The following NUP35 variants were observed in gnomAD, a reference collection of about 807,000 sequenced individuals.
NUP35 encodes the protein nucleoporin 35.
Under a neutral mutation model 41.5 loss-of-function variants are expected in NUP35, and 25 were observed. The ratio of observed to expected loss-of-function variants is 0.60; its 90% confidence interval spans 0.44 to 0.84. The LOEUF (loss-of-function observed/expected upper bound fraction) is 0.84. NUP35 is among the 40% of genes least tolerant of loss of function. NUP35 has a pLI of 0.00. For synonymous variants in NUP35, 149 were observed against 130.7 expected (o/e 1.14, Z -0.96); for missense variants, 396 against 396.6 (o/e 1.00, Z 0.01).
chr2:183,155,196 A>T (rs900468617), intron 5 of NUP35, among the ~76,000 whole-genome samples: 3 of 152,194 alleles, frequency 2.0e-5, no homozygotes, highest in African/African-American at 4.8e-5. Context: ...ATTTTTTGGG[A>T]TTAAAAAACA....
At chr2:183,159,456 T>C (rs1467729737) in intron 7 of NUP35, 32 bp from the exon 8 acceptor site, 1 of 1,574,372 alleles carries the variant, frequency 6.4e-7, no homozygotes, top group African/African-American at 1.4e-5. Flanking sequence ...ATTATGTTTA[T>C]AAACAAAGGA....
intron 1 of NUP35, among the ~76,000 whole-genome samples, chr2:183,127,728 T>C (rs960169216): frequency 1.3e-5 from 2 of 152,218 alleles, no homozygotes; most frequent in East Asian, 3.8e-4. Flanking sequence ...AAGTTATTAG[T>C]GTGATTTTTA....
chr2:183,137,629 A>G (rs1484296905), intron 4 of NUP35, among the ~76,000 whole-genome samples: 1 of 152,030 alleles, frequency 6.6e-6, no homozygotes. Context: ...GACATTGAAA[A>G]TCCAAAAACA....
chr2:183,125,089 T>C (rs981109795), intron 1 of NUP35, among the ~76,000 whole-genome samples: 1 of 151,958 alleles, frequency 6.6e-6, no homozygotes, highest in Non-Finnish European at 1.5e-5. Context: ...AACAGCAAGC[T>C]AGGAGTTCGC....
At chr2:183,160,606 T>G (rs1685837672) in intron 8 of NUP35, 1 of 151,982 alleles carries the variant, frequency 6.6e-6, no homozygotes, top group African/African-American at 2.4e-5. Context: ...CTCAAACTTT[T>G]GACCTCAAGT....
intron 4 of NUP35, among the ~76,000 whole-genome samples, chr2:183,135,986 G>T (rs1399286013): frequency 6.6e-6 from 1 of 152,110 alleles, no homozygotes; most frequent in Non-Finnish European, 1.5e-5. Context: ...ATAACAAAAG[G>T]AACACCCAAT....
chr2:183,129,433 A>C (rs1037738657), intron 2 of NUP35, among the ~76,000 whole-genome samples: 3 of 152,212 alleles, frequency 2.0e-5, no homozygotes, highest in African/African-American at 7.2e-5. Context: ...TTTTTACCTT[A>C]ATTGCCCTTT....
At chr2:183,127,488 A>T (rs752481047) in intron 1 of NUP35, among the ~76,000 whole-genome samples, 5 of 152,146 alleles carry the variant, frequency 3.3e-5, no homozygotes, top group African/African-American at 4.8e-5. Flanking sequence ...TCTTTTCAAC[A>T]TGTTTCTGAG....
chr2:183,137,540 C>T (rs888495356), intron 4 of NUP35, among the ~76,000 whole-genome samples: 2 of 152,126 alleles, frequency 1.3e-5, no homozygotes, highest in Admixed American at 1.3e-4. Flanking sequence ...GAACAGTGAT[C>T]ACACCACTGC....
rs150993144 is a variant in NUP35, at chr2:183,158,291, T to C, written c.618T>C (p.Asn206=). 5 of 1,587,534 alleles carry C rather than the reference T, an allele frequency of 3.1e-6. No individual in the cohort carries two copies. Among genetic ancestry groups the C allele is most frequent in the Non-Finnish European group, 4.3e-6 (5 of 1,164,720 alleles). Residue 206 remains asparagine, a synonymous_variant, in exon 7 of 9, where the codon AAT becomes AAC. Transcript: ENST00000295119. Reference sequence around the variant, plus strand: ...AGTTTTATTCTTTGCAGATGTCTAATACAGGAAATTGGATGCATATTCGTT... The same window carrying C: ...AGTTTTATTCTTTGCAGATGTCTAACACAGGAAATTGGATGCATATTCGTT... ...YGNILKHVMS[N]TGNWMHIRYQ...
chr2:183,134,483 A>G (rs1182565918), intron 4 of NUP35, among the ~76,000 whole-genome samples: 1 of 152,138 alleles, frequency 6.6e-6, no homozygotes, highest in Non-Finnish European at 1.5e-5. Context: ...CCACAAACAT[A>G]AAAGTGGCTT....
Position 183,128,316 on chromosome 2 carries a change from A to G in NUP35, c.70A>G (p.Thr24Ala). ...GSEPMMLGSPTSPKPGVNAQF... is the reference protein window; with the variant it reads ...GSEPMMLGSPASPKPGVNAQF... Reference sequence around the variant, plus strand: ...TGAACCAATGATGCTGGGTTCACCCACATCTCCAAAGCCAGGAGTTAATGC... The same window carrying G: ...TGAACCAATGATGCTGGGTTCACCCGCATCTCCAAAGCCAGGAGTTAATGC... The change falls in exon 2 of 9, where the codon ACA (threonine) becomes GCA (alanine). Residue 24 changes from threonine (T) to alanine (A), a missense_variant. Physicochemically the swap from Thr to Ala is moderately conservative, Grantham distance 58. Transcript: ENST00000295119. The G allele has an allele frequency of 6.2e-7, 1 of 1,613,514 alleles. No homozygotes were observed. The highest frequency in any genetic ancestry group is 1.3e-5 in the African/African-American group (1 of 75,040).
intron 5 of NUP35, 69 bp from the exon 6 acceptor site, chr2:183,157,375 T>C (rs949571863): frequency 1.7e-5 from 19 of 1,105,860 alleles, no homozygotes; most frequent in Non-Finnish European, 2.2e-5. Context: ...TGAAACATTA[T>C]CTTGTAGTAA....
intron 4 of NUP35, among the ~76,000 whole-genome samples, chr2:183,145,504 T>C (rs1162619164): frequency 6.6e-6 from 1 of 152,202 alleles, no homozygotes; most frequent in Non-Finnish European, 1.5e-5. Context: ...GGAAGTAAAT[T>C]GTTAAATGTA....
At chr2:183,139,483 C>G (rs1433881801) in intron 4 of NUP35, among the ~76,000 whole-genome samples, 3 of 152,112 alleles carry the variant, frequency 2.0e-5, no homozygotes, top group Non-Finnish European at 4.4e-5. Context: ...GAACCTGTGA[C>G]TGTTAACTTA....
At chr2:183,154,018 A>C (rs1416821870) in intron 5 of NUP35, among the ~76,000 whole-genome samples, 1 of 152,198 alleles carries the variant, frequency 6.6e-6, no homozygotes. Flanking sequence ...GGAAGCTGCC[A>C]AGGCTTGGGG....
At chr2:183,151,742 A>G in intron 5 of NUP35, 93 bp downstream of exon 5, 3 of 1,202,024 alleles carry the variant, frequency 2.5e-6, no homozygotes, top group Non-Finnish European at 3.5e-6. Flanking sequence ...AAAGAAGTGC[A>G]TAGCAAACAC....
chr2:183,127,948 C>A (rs574323679), intron 1 of NUP35, among the ~76,000 whole-genome samples: 75 of 152,072 alleles, frequency 4.9e-4, no homozygotes, highest in Non-Finnish European at 9.3e-4. Flanking sequence ...GTGGTGCAGG[C>A]CTGTAGACTT....
At chr2:183,159,415 T>C (rs3748883) in intron 7 of NUP35, 73 bp from the exon 8 acceptor site, 239,581 of 1,095,074 alleles carry the variant, frequency 0.22, 29,172 homozygotes, top group East Asian at 0.43. Context: ...AATTAAATTT[T>C]CTAAGTAGGA....
Sources: allele counts gnomAD v4.1 joint callset (sites outside exome capture counted in the v4.1 genomes callset), GRCh38; gene constraint gnomAD v4.1.1; transcripts MANE v1.5; gene names NCBI Gene and HGNC (gene_info 2026-07-23, HGNC 2026-07-21).